Variants in STARD13 observed in about 807,000 individuals in gnomAD.
The protein encoded by STARD13 is StAR related lipid transfer domain containing 13, also known as stAR-related lipid transfer protein 13.
STARD13 carries 62 observed loss-of-function variants against 106.4 expected under a neutral mutation model. The ratio of observed to expected loss-of-function variants is 0.58; its 90% CI spans 0.48 to 0.72. The LOEUF (loss-of-function observed/expected upper bound fraction) is 0.72, where lower values mean the gene tolerates loss of function less well. Among genes scored for constraint, STARD13 ranks in the 30% least tolerant of loss-of-function variants. The pLI, the probability that STARD13 is intolerant of heterozygous loss-of-function variation, is 0.00. For synonymous variants in STARD13, 565 were observed against 553.0 expected, an observed-to-expected ratio of 1.02 and a Z score of -0.31; for missense variants, 1,387 against 1,424.0, an observed-to-expected ratio of 0.97 and a Z score of 0.42.
At chr13:33,592,606 C>T in the STARD13 span, among the ~76,000 whole-genome samples, 4 of 152,098 alleles carry the variant, frequency 2.6e-5, no homozygotes, top group East Asian at 1.9e-4. Flanking sequence ...GGAAAGTTCC[C>T]TTTTGAGGAC....
chr13:33,589,492 T>C, the STARD13 span, among the ~76,000 whole-genome samples: 1 of 152,192 alleles, frequency 6.6e-6, no homozygotes, highest in African/African-American at 2.4e-5. Context: ...GATTCTGGTA[T>C]GTTGTGTCTT....
chr13:33,527,272 C>T, the STARD13 span, among the ~76,000 whole-genome samples: 2 of 151,622 alleles, frequency 1.3e-5, no homozygotes, highest in African/African-American at 4.8e-5. Flanking sequence ...TCATATATTA[C>T]TCAAACAATA....
chr13:33,470,882 C>G, the STARD13 span, among the ~76,000 whole-genome samples: 1 of 152,114 alleles, frequency 6.6e-6, no homozygotes. Flanking sequence ...GTTGCCTATT[C>G]ACTCTGATGA....
intron 1 of STARD13, among the ~76,000 whole-genome samples, chr13:33,186,315 T>C (rs1238865611): frequency 6.6e-6 from 1 of 152,152 alleles, no homozygotes; most frequent in African/African-American, 2.4e-5. Flanking sequence ...AAATGTAAGG[T>C]GGGGTATGTT....
At chr13:33,566,414 T>C in the STARD13 span, among the ~76,000 whole-genome samples, 504 of 147,986 alleles carry the variant, frequency 3.4e-3, 36 homozygotes, top group African/African-American at 0.012. Context: ...CTGCTTTATT[T>C]ATATCTCTGC....
the STARD13 span, among the ~76,000 whole-genome samples, chr13:33,614,270 CGTGT>C: frequency 4.1e-5 from 6 of 145,252 alleles, no homozygotes; most frequent in East Asian, 4.1e-4. Context: ...ATACATTCTC[CGTGT>C]GTGTGTGTGT....
chr13:33,138,873 A>T (rs781718123), intron 4 of STARD13: 27 of 477,758 alleles, frequency 5.7e-5, no homozygotes, highest in Non-Finnish European at 1.0e-4. Context: ...TCTGCAAAAC[A>T]GTTAGAAACT....
rs868010110 is a variant in STARD13, at chr13:33,296,073, G to A, written c.124+54217C>T. 1.6e-3 allele frequency among the ~76,000 whole-genome samples: 235 copies of A among 151,024 alleles called. 1 individual carries two copies. The highest frequency in any genetic ancestry group is 5.5e-3 in the African/African-American group (227 of 41,188). On this transcript the variant is annotated intron_variant, in intron 1 of 5. Transcript: ENST00000567873. ...TCGTCTCTACTTAAAAAAAAAAAAA[G>A]AAAAAGTTAGTTGGGCATGGTGGCT...
chr13:33,150,155 T>C (rs1881082896), intron 3 of STARD13, among the ~76,000 whole-genome samples: 1 of 152,218 alleles, frequency 6.6e-6, no homozygotes, highest in Non-Finnish European at 1.5e-5. Context: ...GCTTTTCTTT[T>C]TGAACTGAGC....
At chr13:33,176,328 G>T (rs1418886124) in intron 1 of STARD13, among the ~76,000 whole-genome samples, 4 of 152,098 alleles carry the variant, frequency 2.6e-5, no homozygotes, top group Non-Finnish European at 5.9e-5. Flanking sequence ...ATTTTTCAAC[G>T]TGTCTTTGCC....
At chr13:33,472,618 A>G in the STARD13 span, among the ~76,000 whole-genome samples, 3 of 152,156 alleles carry the variant, frequency 2.0e-5, no homozygotes, top group African/African-American at 7.2e-5. Flanking sequence ...TTGCTGCATT[A>G]AGAATCACTG....
intron 1 of STARD13, among the ~76,000 whole-genome samples, chr13:33,212,118 G>C (rs1290580655): frequency 6.6e-6 from 1 of 152,150 alleles, no homozygotes; most frequent in East Asian, 1.9e-4. Context: ...CAGGGGACCA[G>C]ACCAAGGAAC....
intron 12 of STARD13, among the ~76,000 whole-genome samples, chr13:33,109,605 T>G (rs781243583): frequency 3.9e-5 from 6 of 152,036 alleles, no homozygotes; most frequent in Non-Finnish European, 7.4e-5. Context: ...TCTGAGGAAA[T>G]GAATAATATT....
intron 3 of STARD13, among the ~76,000 whole-genome samples, chr13:33,151,923 G>T (rs1298134454): frequency 1.3e-5 from 2 of 152,162 alleles, no homozygotes; most frequent in Admixed American, 6.5e-5. Flanking sequence ...CAGAAACAGA[G>T]GATGACTCCC....
the STARD13 span, among the ~76,000 whole-genome samples, chr13:33,605,679 C>T: frequency 0.011 from 1,712 of 152,196 alleles, 25 homozygotes; most frequent in African/African-American, 0.039. Context: ...TCAAAGTTTT[C>T]AAATCTCTTA....
intron 1 of STARD13, among the ~76,000 whole-genome samples, chr13:33,168,648 T>C (rs1365411091): frequency 6.6e-6 from 1 of 152,204 alleles, no homozygotes; most frequent in Non-Finnish European, 1.5e-5. Flanking sequence ...TGTATTTCCA[T>C]TTACTATGAT....
chr13:33,420,658 T>G, the STARD13 span, among the ~76,000 whole-genome samples: 1 of 152,238 alleles, frequency 6.6e-6, no homozygotes, highest in Admixed American at 6.5e-5. Context: ...TACATTCTTC[T>G]CAGCACCACA....
chr13:33,289,062 G>A (rs1254439710), upstream of STARD13, among the ~76,000 whole-genome samples: 1 of 152,202 alleles, frequency 6.6e-6, no homozygotes, highest in Non-Finnish European at 1.5e-5. Context: ...GCAACTGAGA[G>A]AGCTGGTCCT....
the STARD13 span, among the ~76,000 whole-genome samples, chr13:33,465,630 C>T: frequency 6.6e-6 from 1 of 152,158 alleles, no homozygotes; most frequent in Non-Finnish European, 1.5e-5. Flanking sequence ...AGGATCTTTC[C>T]TCTGTGATCC....
Sources: gnomAD v4.1 joint callset for allele counts (sites outside exome capture counted in the v4.1 genomes callset) on GRCh38, gnomAD v4.1.1 for gene constraint, MANE v1.5 for transcripts, NCBI Gene and HGNC (gene_info 2026-07-23, HGNC 2026-07-21) for gene names.